PAPSS2: variants seen among roughly 807,000 people sequenced by gnomAD.
The protein encoded by PAPSS2 is bifunctional 3'-phosphoadenosine 5'-phosphosulfate synthase 2.
A neutral mutation model predicts 66.5 loss-of-function variants in PAPSS2; 61 were observed. The observed-to-expected ratio is 0.92, with a 90% CI of 0.75 to 1.14. The LOEUF (loss-of-function observed/expected upper bound fraction) is 1.14. PAPSS2 is among the 50% of genes most tolerant of loss of function. The probability of loss-of-function intolerance (pLI) is 0.00; values close to 1 mark genes in which losing one functional copy is unlikely to be tolerated. For missense variants in PAPSS2, 708 were observed against 789.6 expected, an observed-to-expected ratio of 0.90 and a Z score of 1.24; for synonymous variants, 289 against 287.5, an observed-to-expected ratio of 1.01 and a Z score of -0.05.
chr10:87,672,461 G>A (rs1321191966), intron 1 of PAPSS2, among the ~76,000 whole-genome samples: 2 of 152,150 alleles, frequency 1.3e-5, no homozygotes, highest in African/African-American at 4.8e-5. Flanking sequence ...GTACATTCAA[G>A]GTTTTCTACC....
chr10:87,660,082 G>A, intron 1 of PAPSS2, 74 bp downstream of exon 1: 1 of 1,474,250 alleles, frequency 6.8e-7, no homozygotes, highest in Non-Finnish European at 9.4e-7. Flanking sequence ...CAATTCCCCG[G>A]CACTTGGGTC....
In PAPSS2 at chr10:87,746,416, ATTT is replaced by A. The variant is rs1025663549; in HGVS notation, c.*453_*455del. 1 of 152,940 alleles carries A rather than the reference ATTT, an allele frequency of 6.5e-6. No individual in the cohort carries two copies. Among genetic ancestry groups the A allele is most frequent in the Admixed American group, 6.5e-5 (1 of 15,270 alleles). The allele number at this position is 152,940 out of a possible 1,614,324, so 9.5% of individuals were successfully genotyped here. A position where few individuals can be genotyped will look rare whatever the true frequency, so the allele number is the denominator to read the frequency against. On this transcript the variant is annotated 3_prime_UTR_variant, in exon 13 of 13. Transcript: ENST00000456849. Reference sequence around the variant, plus strand: ...TTCTGTACAATTGACAAAAAAAAAAATTTTTTTTTCTCACTCTAAAAGAGGTGT... The same window carrying A: ...TTCTGTACAATTGACAAAAAAAAAAATTTTTTCTCACTCTAAAAGAGGTGT...
chr10:87,729,122 C>T (rs958707482), intron 9 of PAPSS2, among the ~76,000 whole-genome samples: 2 of 151,960 alleles, frequency 1.3e-5, no homozygotes, highest in African/African-American at 2.4e-5. Context: ...GAATGATATT[C>T]GCATACACAT....
rs1394086948 is a variant in PAPSS2, at chr10:87,709,176, G to A, written c.28-20G>A. 1 of 1,482,470 alleles carries A rather than the reference G, an allele frequency of 6.7e-7. No homozygotes were observed. The highest frequency in any genetic ancestry group is 2.3e-5 in the East Asian group (1 of 44,192). The allele number at this position is 1,482,470 out of a possible 1,614,324, so 91.8% of individuals were successfully genotyped here. ...TGTTTTATTAATTAATACTGTGCTTGGTTTTGTCTTATTTTATAGGAGAAC... is the reference window on the plus strand; with the variant it reads ...TGTTTTATTAATTAATACTGTGCTTAGTTTTGTCTTATTTTATAGGAGAAC... On this transcript the variant is annotated intron_variant, in intron 1 of 12. Transcript: ENST00000456849.
chr10:87,663,579 G>C (rs1456951084), intron 1 of PAPSS2, among the ~76,000 whole-genome samples: 1 of 152,092 alleles, frequency 6.6e-6, no homozygotes, highest in Non-Finnish European at 1.5e-5. Flanking sequence ...TTGTCTTCAG[G>C]GGAGGAGAAA....
At chr10:87,736,263 CTTTTTTTTTTTTTTTT>C (rs10553485) in intron 9 of PAPSS2, among the ~76,000 whole-genome samples, 1 of 103,250 alleles carries the variant, frequency 9.7e-6, no homozygotes, top group Non-Finnish European at 1.9e-5. Context: ...TTCTTTCTTT[CTTTTTTTTTTTTTTTT>C]TTTTTTGAGA....
rs747395924 is a variant in PAPSS2, at chr10:87,747,551, A to G, written c.*1581A>G. On this transcript the variant is annotated 3_prime_UTR_variant, in exon 13 of 13. Coordinates refer to ENST00000456849, the MANE Select transcript of PAPSS2 (RefSeq NM_001015880.2). ...AAAAACCAGCATATTTATTGAAAAC[A>G]TGAGACAGGATTATAGTGCCTTAAC... The G allele has an allele frequency of 1.3e-5, 2 of 152,594 alleles. No individual in the cohort carries two copies. Among genetic ancestry groups the G allele is most frequent in the African/African-American group, 4.8e-5 (2 of 41,456 alleles). The allele number at this position is 152,594 out of a possible 1,614,324, so 9.5% of individuals were successfully genotyped here.
intron 1 of PAPSS2, among the ~76,000 whole-genome samples, chr10:87,682,099 A>G (rs984694653): frequency 6.6e-6 from 1 of 152,202 alleles, no homozygotes; most frequent in Non-Finnish European, 1.5e-5. Context: ...TAGAGGAATA[A>G]TTTGAGTGAT....
Position 87,746,095 on chromosome 10 carries a change from TTG to T in PAPSS2, c.*129_*130del, listed in dbSNP as rs1201462895. On this transcript the variant is annotated 3_prime_UTR_variant, in exon 13 of 13. Coordinates refer to ENST00000456849, the MANE Select transcript of PAPSS2 (RefSeq NM_001015880.2). ...TTAATCTTTTATAATGAAGTAAAAG[TTG>T]TGTCTATAATTAAAAAAAAATATAT... 9.3e-6 allele frequency: 8 copies of T among 862,776 alleles called. No individual in the cohort carries two copies. The highest frequency in any genetic ancestry group is 3.5e-4 in the Middle Eastern group (1 of 2,848). The allele number at this position is 862,776 out of a possible 1,614,324, so 53.4% of individuals were successfully genotyped here. A position where few individuals can be genotyped will look rare whatever the true frequency, so the allele number is the denominator to read the frequency against.
chr10:87,730,220 G>C (rs1326318041), intron 9 of PAPSS2, among the ~76,000 whole-genome samples: 1 of 152,070 alleles, frequency 6.6e-6, no homozygotes, highest in Non-Finnish European at 1.5e-5. Context: ...ATGAGAAAAG[G>C]CATCCAGATT....
chr10:87,670,700 T>C (rs1852866301), intron 1 of PAPSS2, among the ~76,000 whole-genome samples: 1 of 152,164 alleles, frequency 6.6e-6, no homozygotes, highest in Non-Finnish European at 1.5e-5. Flanking sequence ...AAAAGAATCA[T>C]GGTGACTGCA....
At chr10:87,676,180 A>T (rs1589420296) in intron 1 of PAPSS2, among the ~76,000 whole-genome samples, 1 of 152,056 alleles carries the variant, frequency 6.6e-6, no homozygotes, top group South Asian at 2.1e-4. Flanking sequence ...ATTCTTTCTT[A>T]GTGAGCTGTT....
At chr10:87,725,308 C>A (rs540247476) in intron 8 of PAPSS2, among the ~76,000 whole-genome samples, 6 of 152,146 alleles carry the variant, frequency 3.9e-5, no homozygotes, top group Non-Finnish European at 8.8e-5. Flanking sequence ...ACATTTCTTG[C>A]TGCTGAAGAT....
intron 1 of PAPSS2, among the ~76,000 whole-genome samples, chr10:87,693,819 G>A (rs1036935441): frequency 1.3e-5 from 2 of 152,166 alleles, no homozygotes; most frequent in African/African-American, 2.4e-5. Flanking sequence ...ATGGTAGTTC[G>A]TTCTTTTAAA....
At chr10:87,676,389 A>G (rs1483562384) in intron 1 of PAPSS2, among the ~76,000 whole-genome samples, 1 of 152,174 alleles carries the variant, frequency 6.6e-6, no homozygotes, top group African/African-American at 2.4e-5. Flanking sequence ...AGGGACCCAC[A>G]TTGGAAGAAC....
chr10:87,688,210 G>A (rs1022486453), intron 1 of PAPSS2, among the ~76,000 whole-genome samples: 4 of 151,336 alleles, frequency 2.6e-5, no homozygotes, highest in African/African-American at 4.9e-5. Context: ...TTAAAAATTA[G>A]GCATATATGA....
At position 87,745,177 on chromosome 10, in the gene PAPSS2, G is replaced by A. The variant is rs758144732; in HGVS notation, c.1667G>A (p.Arg556Gln). The A allele has an allele frequency of 2.7e-5, 43 of 1,613,938 alleles. No individual in the cohort carries two copies. Among genetic ancestry groups the A allele is most frequent in the African/African-American group, 2.7e-5 (2 of 74,920 alleles). ...ACCTCTGTGGAAATCATTCCATTCC[G>A]AGTGGCTGCCTACAACAAAGCCAAA... ...GLTSVEIIPF[R>Q]VAAYNKAKKA... Residue 556 changes from arginine to glutamine, a missense_variant, in exon 12 of 13, where the codon CGA becomes CAA. Arg to Gln is a conservative substitution (Grantham distance 43). Coordinates refer to ENST00000456849, the MANE Select transcript of PAPSS2 (RefSeq NM_001015880.2).
In PAPSS2 at chr10:87,659,880, C is replaced by T. The variant is rs569492557; in HGVS notation, c.-102C>T. 1,366 of 1,207,436 alleles carry T rather than the reference C, an allele frequency of 1.1e-3. 9 individuals are homozygous for T. In the African/African-American group the frequency reaches 0.019, roughly 17 times the overall value. The allele number at this position is 1,207,436 out of a possible 1,614,324, so 74.8% of individuals were successfully genotyped here. On this transcript the variant is annotated 5_prime_UTR_variant, in exon 1 of 13. Transcript: ENST00000456849. ...TACCTCCTTCCCGGGAGTCCGGCAG[C>T]CGCTGCTGCTGCTGCTGCTGCTGCT...
At chr10:87,733,409 G>T (rs1478567963) in intron 9 of PAPSS2, among the ~76,000 whole-genome samples, 1 of 152,164 alleles carries the variant, frequency 6.6e-6, no homozygotes, top group Non-Finnish European at 1.5e-5. Flanking sequence ...CCAGAGATTT[G>T]TCAAGTAGTA....
Sources: allele counts gnomAD v4.1 joint callset (sites outside exome capture counted in the v4.1 genomes callset), GRCh38; gene constraint gnomAD v4.1.1; transcripts MANE v1.5; gene names NCBI Gene and HGNC (gene_info 2026-07-23, HGNC 2026-07-21).